Variants in FAT2 observed in about 807,000 individuals in gnomAD.
The protein encoded by FAT2 is protocadherin Fat 2.
In FAT2, 150 loss-of-function variants were observed where a neutral mutation model predicts 295.3. The ratio of observed to expected loss-of-function variants is 0.51; its 90% CI spans 0.44 to 0.58. The LOEUF (loss-of-function observed/expected upper bound fraction) is 0.58, where lower values mean the gene tolerates loss of function less well. Ranked by LOEUF, FAT2 falls within the 20% of genes least tolerant of loss-of-function variation. The pLI, the probability that FAT2 is intolerant of heterozygous loss-of-function variation, is 0.00. For synonymous variants in FAT2, 2,026 were observed against 2,150.3 expected (o/e 0.94, Z 1.60); for missense variants, 4,868 against 5,442.7 (o/e 0.89, Z 3.32).
At chr5:151,532,005 G>A in intron 13 of FAT2, 35 bp from the exon 14 acceptor site, 2 of 1,607,984 alleles carry the variant, frequency 1.2e-6, no homozygotes, top group Non-Finnish European at 1.7e-6. Flanking sequence ...TCCACACTGA[G>A]GGCGCCTCCT....
chr5:151,516,262 C>A (rs1456668727), intron 20 of FAT2, among the ~76,000 whole-genome samples: 1 of 152,222 alleles, frequency 6.6e-6, no homozygotes, highest in Non-Finnish European at 1.5e-5. Flanking sequence ...ATAATCCCAG[C>A]ACTTTGGGAG....
rs749643785 is a variant in FAT2, at chr5:151,544,433, C to A, written c.6694G>T (p.Asp2232Tyr). The A allele has an allele frequency of 6.2e-7, 1 of 1,614,178 alleles. No homozygotes were observed. Among genetic ancestry groups the A allele is most frequent in the Non-Finnish European group, 8.5e-7 (1 of 1,180,038 alleles). Residue 2232 changes from aspartate to tyrosine, a missense_variant, in exon 10 of 24, where the codon GAC (aspartate) becomes TAC (tyrosine). Around this residue, in one of 5 missense-constraint regions of FAT2, gnomAD observed 3,297 missense variants for 3,669.4 expected, o/e 0.90. Transcript: ENST00000261800. ...ACATGTTTGGTCTTGGACTCATAGTCCAAAGGCCCTGTTACTGTTAGGACA... is the reference window on the plus strand; with the variant it reads ...ACATGTTTGGTCTTGGACTCATAGTACAAAGGCCCTGTTACTGTTAGGACA... ...TGVLTVTGPL[D>Y]YESKTKHVFT... is the part of the protein sequence containing the mutation.
intron 17 of FAT2, among the ~76,000 whole-genome samples, chr5:151,526,965 T>C (rs966856993): frequency 2.6e-5 from 4 of 152,236 alleles, no homozygotes; most frequent in African/African-American, 4.8e-5. Flanking sequence ...TTTTCATACC[T>C]CAATCTTCTA....
chr5:151,507,344 G>A lies in FAT2; in HGVS notation c.12327C>T (p.Ser4109=), dbSNP rs1276291650. Residue 4109 remains serine, a synonymous_variant, in exon 23 of 24, where the codon AGC becomes AGT. Transcript: ENST00000261800. ...CCGGTTGGTTGAGGTTGTTGCAGGA[G>A]CTGGCACTCAATGGGTTGAGCTCGA... ...PAIELNPLSA[S]SCNNLNQPEP... is the part of the protein sequence containing the mutation. 6.2e-7 allele frequency: 1 copy of A among 1,614,192 alleles called. No individual in the cohort carries two copies. The highest frequency in any genetic ancestry group is 2.2e-5 in the East Asian group (1 of 44,886).
chr5:151,554,374 G>A lies in FAT2; in HGVS notation c.3933C>T (p.Tyr1311=), dbSNP rs1757502702. ...TCTGTCTGCTCACCGTTAGGATGTTGTACTCTCCAGCTGTAAAAGTGCTGC... is the reference window on the plus strand; with the variant it reads ...TCTGTCTGCTCACCGTTAGGATGTTATACTCTCCAGCTGTAAAAGTGCTGC... ...SSSSTFTAGE[Y]NILTIKATDS... Residue 1311 remains tyrosine, a synonymous_variant, in exon 5 of 24, where the codon TAC becomes TAT. Coordinates refer to ENST00000261800, the MANE Select transcript of FAT2 (RefSeq NM_001447.3). The A allele has an allele frequency of 1.2e-6, 2 of 1,613,788 alleles. No individual in the cohort carries two copies. The highest frequency in any genetic ancestry group is 1.6e-4 in the Middle Eastern group (1 of 6,082).
At chr5:151,521,075 C>T (rs911421152) in intron 19 of FAT2, among the ~76,000 whole-genome samples, 81 of 152,290 alleles carry the variant, frequency 5.3e-4, no homozygotes, top group African/African-American at 1.9e-3. Flanking sequence ...TTCTAAATCT[C>T]GAAAGGGAGC....
chr5:151,543,733 A>G lies in FAT2; in HGVS notation c.7394T>C (p.Val2465Ala), dbSNP rs750006909. The change falls in exon 10 of 24, where the codon GTG becomes GCG. Residue 2465 changes from valine to alanine, a missense_variant. Around this residue, in one of 5 missense-constraint regions of FAT2, gnomAD observed 3,297 missense variants for 3,669.4 expected, o/e 0.90. Transcript: ENST00000261800. Reference protein sequence around the residue: ...GASDGVFRATVPVYINTTNAN... With the variant: ...GASDGVFRATAPVYINTTNAN... ...ATTTGTAGTGTTGATGTACACAGGC[A>G]CAGTTGCTCGGAAGACTCCATCAGA... 4 of 1,614,088 alleles carry G rather than the reference A, an allele frequency of 2.5e-6. No individual in the cohort carries two copies. In the African/African-American group the frequency reaches 4.0e-5, roughly 16 times the overall value.
intron 5 of FAT2, among the ~76,000 whole-genome samples, chr5:151,554,017 G>A (rs1241049302): frequency 1.3e-5 from 2 of 152,210 alleles, no homozygotes; most frequent in Non-Finnish European, 2.9e-5. Context: ...TTTTACAAAT[G>A]ATAAAGGTTA....
intron 1 of FAT2, among the ~76,000 whole-genome samples, chr5:151,586,253 G>A (rs976117237): frequency 6.6e-6 from 1 of 152,244 alleles, no homozygotes; most frequent in Non-Finnish European, 1.5e-5. Context: ...TGCTTGGCTT[G>A]TGCCCAGGCC....
At chr5:151,574,842 A>G (rs1005571572) in intron 1 of FAT2, among the ~76,000 whole-genome samples, 4 of 144,964 alleles carry the variant, frequency 2.8e-5, no homozygotes, top group Admixed American at 2.7e-4. Context: ...AAACAACTGG[A>G]TGTGGCCAGG....
At position 151,534,546 on chromosome 5, in the gene FAT2, G is replaced by T. The variant is rs201094024; in HGVS notation, c.9290C>A (p.Ala3097Glu). 1 of 1,614,132 alleles carries T rather than the reference G, an allele frequency of 6.2e-7. No individual in the cohort carries two copies. The highest frequency in any genetic ancestry group is 2.2e-5 in the East Asian group (1 of 44,872). The change falls in exon 13 of 24, where the codon GCA becomes GAA. Residue 3097 changes from alanine to glutamate, a missense_variant. By Grantham distance (107) the Ala-to-Glu change is moderately radical (BLOSUM62 -1). Transcript: ENST00000261800. ...ATDGGGRSCQADITLHVEDVN... is the reference protein window; with the variant it reads ...ATDGGGRSCQEDITLHVEDVN... ...ATCCTCCACATGGAGGGTGATGTCT[G>T]CCTGGCACGATCGGCCACCTCCATC...
intron 20 of FAT2, among the ~76,000 whole-genome samples, chr5:151,516,975 G>A (rs999941069): frequency 6.6e-6 from 1 of 152,124 alleles, no homozygotes; most frequent in African/African-American, 2.4e-5. Flanking sequence ...AGGCATGGTG[G>A]TGTGTGCCTG....
rs1756358233 is a variant in FAT2 at position 151,543,572 on chromosome 5, T to C, written c.7555A>G (p.Thr2519Ala). Residue 2519 changes from threonine (T) to alanine (A), a missense_variant, in exon 10 of 24, where the codon ACT (threonine) becomes GCT (alanine). Physicochemically the swap from Thr to Ala is moderately conservative, Grantham distance 58 (BLOSUM62 0). Around this residue, in one of 5 missense-constraint regions of FAT2, gnomAD observed 3,297 missense variants for 3,669.4 expected, o/e 0.90. Coordinates refer to ENST00000261800, the MANE Select transcript of FAT2 (RefSeq NM_001447.3). ...DSGPYGTIDYTIINKLASEKF... is the reference protein window; with the variant it reads ...DSGPYGTIDYAIINKLASEKF... ...TCACTTGCTAGTTTATTGATGATAG[T>C]ATAATCTATAGTGCCATAGGGACCA... 1 of 1,614,080 alleles carries C rather than the reference T, an allele frequency of 6.2e-7. No homozygotes were observed. The highest frequency in any genetic ancestry group is 1.3e-5 in the African/African-American group (1 of 74,938).
At chr5:151,574,551 C>A (rs1758666763) in intron 1 of FAT2, among the ~76,000 whole-genome samples, 1 of 152,214 alleles carries the variant, frequency 6.6e-6, no homozygotes, top group African/African-American at 2.4e-5. Flanking sequence ...AATAATTTCT[C>A]TTCTTAGTAG....
At chr5:151,516,351 G>A (rs1243034930) in intron 20 of FAT2, among the ~76,000 whole-genome samples, 1 of 151,906 alleles carries the variant, frequency 6.6e-6, no homozygotes, top group Non-Finnish European at 1.5e-5. Flanking sequence ...CTCTGCTAAA[G>A]ACGCAAAAGA....
Position 151,543,105 on chromosome 5 carries a change from C to T in FAT2, c.8022G>A (p.Leu2674=). ...QDGGPPHWNS[L]VPVRLQVVPK... is the part of the protein sequence containing the mutation. ...GAACCACCTGAAGTCGTACTGGCAC[C>T]AGAGAGTTCCAGTGAGGAGGGCCTC... The change falls in exon 10 of 24, where the codon CTG becomes CTA. Residue 2674 remains leucine, a synonymous_variant. Coordinates refer to ENST00000261800, the MANE Select transcript of FAT2 (RefSeq NM_001447.3). The T allele has an allele frequency of 1.2e-6, 2 of 1,614,142 alleles. No homozygotes were observed. The highest frequency in any genetic ancestry group is 1.7e-6 in the Non-Finnish European group (2 of 1,180,022).
chr5:151,593,671 A>T (rs1284453328), upstream of FAT2, among the ~76,000 whole-genome samples: 1 of 152,168 alleles, frequency 6.6e-6, no homozygotes, highest in Non-Finnish European at 1.5e-5. Context: ...CTTTGTGAGC[A>T]CATCCTGACC....
intron 8 of FAT2, among the ~76,000 whole-genome samples, chr5:151,549,933 C>T (rs1445770969): frequency 6.6e-6 from 1 of 152,154 alleles, no homozygotes; most frequent in Non-Finnish European, 1.5e-5. Context: ...GTATTATATG[C>T]CCAGAGGATG....
At chr5:151,586,726 T>C (rs58548533) in intron 1 of FAT2, among the ~76,000 whole-genome samples, 171 of 152,330 alleles carry the variant, frequency 1.1e-3, no homozygotes, top group African/African-American at 4.0e-3. Context: ...ATTCTTTCTG[T>C]TTTAAAGAGA....
Sources: allele counts gnomAD v4.1 joint callset (sites outside exome capture counted in the v4.1 genomes callset), GRCh38; gene constraint gnomAD v4.1.1; regional missense constraint gnomAD v4.1.1; transcripts MANE v1.5; gene names NCBI Gene and HGNC (gene_info 2026-07-23, HGNC 2026-07-21).